Variants in XRCC5 observed in about 807,000 individuals in gnomAD.
XRCC5 encodes X-ray repair cross complementing 5.
A neutral mutation model predicts 95.7 loss-of-function variants in XRCC5; 12 were observed. That is an observed-to-expected ratio of 0.13 (90% confidence interval 0.08 to 0.20). The LOEUF (loss-of-function observed/expected upper bound fraction) is 0.20, where lower values mean the gene tolerates loss of function less well. XRCC5 is among the 10% of genes least tolerant of loss of function. The probability of loss-of-function intolerance (pLI) is 1.00; values close to 1 mark genes in which losing one functional copy is unlikely to be tolerated. For synonymous variants in XRCC5, 281 were observed against 290.3 expected (o/e 0.97, Z 0.33); for missense variants, 595 against 873.9 (o/e 0.68, Z 4.02).
chr2:216,199,179 C>A (rs1044511840), intron 19 of XRCC5, among the ~76,000 whole-genome samples: 3 of 152,176 alleles, frequency 2.0e-5, no homozygotes, highest in African/African-American at 7.2e-5. Flanking sequence ...TATTTAAATT[C>A]TTTTGAGGTG....
intron 19 of XRCC5, among the ~76,000 whole-genome samples, chr2:216,197,584 T>TTTTAGAGCATAGTGTTTCCATAG: frequency 6.6e-6 from 1 of 152,228 alleles, no homozygotes; most frequent in East Asian, 1.9e-4. Context: ...ATCTTCTTCC[T>TTTTAGAGCATAGTGTTTCCATAG]TTTAGAGCAT....
intron 12 of XRCC5, 113 bp downstream of exon 12, chr2:216,138,292 AT>A: frequency 1.2e-6 from 1 of 842,744 alleles, no homozygotes; most frequent in Non-Finnish European, 1.9e-6. Flanking sequence ...AATTAGTTGG[AT>A]TTCCAATCAT....
intron 11 of XRCC5, 133 bp from the exon 12 acceptor site, chr2:216,137,956 T>C (rs951225076): frequency 7.2e-6 from 5 of 693,032 alleles, no homozygotes; most frequent in Admixed American, 5.8e-5. Context: ...CACTTCACTT[T>C]TCATATGCCA....
At chr2:216,199,133 T>C (rs1689788201) in intron 19 of XRCC5, among the ~76,000 whole-genome samples, 1 of 152,260 alleles carries the variant, frequency 6.6e-6, no homozygotes, top group African/African-American at 2.4e-5. Flanking sequence ...GAAACTTGAC[T>C]ATAATCACTG....
At chr2:216,172,601 TG>T (rs1212648494) in intron 16 of XRCC5, among the ~76,000 whole-genome samples, 1 of 151,798 alleles carries the variant, frequency 6.6e-6, no homozygotes, top group Non-Finnish European at 1.5e-5. Context: ...CCTGAGTAGC[TG>T]GGATTACAGG....
At chr2:216,169,352 G>A (rs1689111899) in intron 16 of XRCC5, among the ~76,000 whole-genome samples, 1 of 152,198 alleles carries the variant, frequency 6.6e-6, no homozygotes, top group African/African-American at 2.4e-5. Flanking sequence ...GACACAGCAT[G>A]CAAATGTGCC....
intron 16 of XRCC5, chr2:216,175,551 C>T (rs1689256002): frequency 2.4e-6 from 1 of 410,658 alleles, no homozygotes; most frequent in Non-Finnish European, 4.7e-6. Flanking sequence ...TCTCTTTTTC[C>T]ACTCTGTCAT....
chr2:216,146,119 G>A (rs2106017861), intron 13 of XRCC5, among the ~76,000 whole-genome samples: 1 of 152,150 alleles, frequency 6.6e-6, no homozygotes, highest in East Asian at 1.9e-4. Context: ...TGATGCTCAA[G>A]GGAAAGTCAA....
chr2:216,176,888 G>A (rs568810695), intron 16 of XRCC5, among the ~76,000 whole-genome samples: 3 of 152,080 alleles, frequency 2.0e-5, no homozygotes, highest in East Asian at 3.9e-4. Context: ...CATAAATTGC[G>A]ATGTGTTATG....
chr2:216,152,621 A>G (rs1043802402), intron 14 of XRCC5, among the ~76,000 whole-genome samples: 5 of 148,946 alleles, frequency 3.4e-5, no homozygotes, highest in South Asian at 2.1e-4. Flanking sequence ...GAATTCCTTT[A>G]CCTGTGCCCT....
At chr2:216,169,889 CTT>C (rs1286172777) in intron 16 of XRCC5, among the ~76,000 whole-genome samples, 2 of 145,934 alleles carry the variant, frequency 1.4e-5, no homozygotes, top group Non-Finnish European at 3.0e-5. Flanking sequence ...AAAAAACAAA[CTT>C]AGGTGGGCAT....
At chr2:216,192,581 ATTTGT>A in intron 17 of XRCC5, 53 bp from the exon 18 acceptor site, 1 of 1,256,440 alleles carries the variant, frequency 8.0e-7, no homozygotes, top group Non-Finnish European at 1.1e-6. Flanking sequence ...TCTGGGGTGA[ATTTGT>A]TTTTGTGTTT....
chr2:216,171,739 A>C (rs1214105312), intron 16 of XRCC5, among the ~76,000 whole-genome samples: 1 of 152,224 alleles, frequency 6.6e-6, no homozygotes, highest in East Asian at 1.9e-4. Context: ...GGGCATTGAG[A>C]GTAAGATACA....
chr2:216,118,920 T>A (rs1696751161), intron 4 of XRCC5, 123 bp from the exon 5 acceptor site: 1 of 1,009,624 alleles, frequency 9.9e-7, no homozygotes, highest in Admixed American at 2.2e-5. Context: ...TACTAGAATG[T>A]AATCACATTT....
intron 20 of XRCC5, 102 bp from the exon 21 acceptor site, chr2:216,205,086 C>T (rs530741661): frequency 3.6e-6 from 5 of 1,379,320 alleles, no homozygotes; most frequent in South Asian, 1.2e-5. Flanking sequence ...TACATGCATG[C>T]CTTCCAATGT....
chr2:216,196,785 A>T (rs1689729788), intron 19 of XRCC5, among the ~76,000 whole-genome samples: 1 of 152,176 alleles, frequency 6.6e-6, no homozygotes, highest in African/African-American at 2.4e-5. Context: ...TTAGATGTTA[A>T]TCACATCTAC....
rs753076618 is a variant in XRCC5, at chr2:216,109,425, A to C, written c.-12A>C. The C allele has an allele frequency of 1.1e-5, 17 of 1,613,944 alleles. No homozygotes were observed. In the Admixed American group the frequency reaches 2.0e-4, roughly 19 times the overall value. ...CCGGAAGAAGCGACCAAAGCGCCTG[A>C]GGACCGGCAACATGGTGCGGTCGGG... On this transcript the variant is annotated 5_prime_UTR_variant, in exon 1 of 21. Transcript: ENST00000392132.
At chr2:216,170,896 C>T (rs1259061917) in intron 16 of XRCC5, among the ~76,000 whole-genome samples, 2 of 152,146 alleles carry the variant, frequency 1.3e-5, no homozygotes, top group Non-Finnish European at 2.9e-5. Context: ...GCAGTTCTTC[C>T]TTCCATGGTA....
chr2:216,138,382 C>A (rs973831488), intron 12 of XRCC5, among the ~76,000 whole-genome samples: 1 of 152,126 alleles, frequency 6.6e-6, no homozygotes, highest in Admixed American at 6.5e-5. Flanking sequence ...TTAAACTCAC[C>A]CAACACTGTC....
Sources: allele counts gnomAD v4.1 joint callset (sites outside exome capture counted in the v4.1 genomes callset), GRCh38; gene constraint gnomAD v4.1.1; transcripts MANE v1.5; gene names NCBI Gene and HGNC (gene_info 2026-07-23, HGNC 2026-07-21).